Variants in NELL1 observed in about 807,000 individuals in gnomAD.
NELL1 encodes the protein neural EGFL like 1, also known as protein kinase C-binding protein NELL1.
Under a neutral mutation model 107.4 loss-of-function variants are expected in NELL1, and 76 were observed. The observed-to-expected ratio is 0.71, with a 90% confidence interval of 0.59 to 0.86. NELL1 has a LOEUF of 0.86. NELL1 is among the 40% of genes least tolerant of loss of function. NELL1 has a pLI of 0.00. For missense variants in NELL1, 1,024 were observed against 1,005.5 expected, an observed-to-expected ratio of 1.02 and a Z score of -0.25; for synonymous variants, 353 against 341.2, an observed-to-expected ratio of 1.03 and a Z score of -0.38.
chr11:20,843,055 A>G (rs1055362249), intron 3 of NELL1, among the ~76,000 whole-genome samples: 1 of 152,066 alleles, frequency 6.6e-6, no homozygotes, highest in South Asian at 2.1e-4. Context: ...TATTTTTTTC[A>G]TCATCTTTAG....
chr11:20,709,280 A>G (rs916024933), intron 2 of NELL1, among the ~76,000 whole-genome samples: 1 of 152,002 alleles, frequency 6.6e-6, no homozygotes, highest in African/African-American at 2.4e-5. Flanking sequence ...TCCCAGCACC[A>G]TTTGTTTAAT....
chr11:20,811,114 G>A (rs1857493020), intron 3 of NELL1, among the ~76,000 whole-genome samples: 1 of 152,078 alleles, frequency 6.6e-6, no homozygotes, highest in African/African-American at 2.4e-5. Flanking sequence ...TCTTTTAGTA[G>A]TTTCATAGTT....
At chr11:20,884,804 C>G (rs971525686) in intron 4 of NELL1, among the ~76,000 whole-genome samples, 2 of 152,138 alleles carry the variant, frequency 1.3e-5, no homozygotes. Flanking sequence ...TGTCTGGTTT[C>G]TTGCTCTATT....
chr11:20,852,622 C>T (rs751399030), intron 4 of NELL1, among the ~76,000 whole-genome samples: 42 of 152,180 alleles, frequency 2.8e-4, no homozygotes, highest in Non-Finnish European at 4.6e-4. Flanking sequence ...CTGTAGTATG[C>T]GGAGGGAAAT....
intron 15 of NELL1, among the ~76,000 whole-genome samples, chr11:21,523,895 GTA>G (rs1266930884): frequency 2.0e-5 from 3 of 151,104 alleles, no homozygotes; most frequent in Non-Finnish European, 4.4e-5. Flanking sequence ...GTGTGTGTGT[GTA>G]TATATATATG....
At chr11:21,406,652 A>G (rs987163681) in intron 15 of NELL1, among the ~76,000 whole-genome samples, 2 of 151,974 alleles carry the variant, frequency 1.3e-5, no homozygotes, top group East Asian at 1.9e-4. Context: ...TGTTAGTGCT[A>G]GTTTTTATCA....
At chr11:21,349,998 T>C (rs1302091903) in intron 14 of NELL1, among the ~76,000 whole-genome samples, 1 of 152,138 alleles carries the variant, frequency 6.6e-6, no homozygotes, top group Non-Finnish European at 1.5e-5. Context: ...CTGTCCAACA[T>C]AGCCAATAAT....
intron 15 of NELL1, among the ~76,000 whole-genome samples, chr11:21,403,879 A>G (rs1322210670): frequency 6.7e-6 from 1 of 150,218 alleles, no homozygotes; most frequent in Admixed American, 6.6e-5. Context: ...AGCTATCTCC[A>G]TCAATTCCAG....
chr11:21,233,801 A>T (rs1162443072), intron 14 of NELL1, among the ~76,000 whole-genome samples: 1 of 152,224 alleles, frequency 6.6e-6, no homozygotes, highest in Non-Finnish European at 1.5e-5. Flanking sequence ...TATGCAGCTG[A>T]TAGACTATGT....
intron 15 of NELL1, among the ~76,000 whole-genome samples, chr11:21,409,278 G>A (rs774594181): frequency 1.3e-5 from 2 of 152,072 alleles, no homozygotes; most frequent in South Asian, 4.1e-4. Context: ...CATGTCCTTT[G>A]TAGGGACATG....
intron 15 of NELL1, among the ~76,000 whole-genome samples, chr11:21,427,310 A>G (rs1420676668): frequency 1.3e-5 from 2 of 152,224 alleles, no homozygotes; most frequent in East Asian, 1.9e-4. Flanking sequence ...GTAATTCTCA[A>G]TCTCCATCAA....
At chr11:20,688,908 A>T (rs1854377499) in intron 2 of NELL1, among the ~76,000 whole-genome samples, 1 of 151,974 alleles carries the variant, frequency 6.6e-6, no homozygotes, top group Non-Finnish European at 1.5e-5. Flanking sequence ...CATCTGGTGT[A>T]TTTTGACTCT....
rs529148201 is a variant in NELL1 at position 21,341,286 on chromosome 11, A to G, written c.1550-29567A>G. ...AGTTCAGGAAAGGGAGAGTTACACC[A>G]TAAGCCTCCAGAACTACAAAACAAA... On this transcript the variant is annotated intron_variant, in intron 14 of 19. Transcript: ENST00000357134. Among the ~76,000 whole-genome samples, 13 of 152,334 alleles carry G rather than the reference A, an allele frequency of 8.5e-5. No homozygotes were observed. In the South Asian group the frequency reaches 2.7e-3, roughly 32 times the overall value.
At chr11:21,346,191 T>C (rs1003334372) in intron 14 of NELL1, among the ~76,000 whole-genome samples, 5 of 152,248 alleles carry the variant, frequency 3.3e-5, no homozygotes, top group Middle Eastern at 6.8e-3. Context: ...CTCTCCTCTT[T>C]CCTTCTATCT....
intron 2 of NELL1, among the ~76,000 whole-genome samples, chr11:20,774,482 C>T (rs1271838947): frequency 6.6e-6 from 1 of 151,650 alleles, no homozygotes; most frequent in Non-Finnish European, 1.5e-5. Flanking sequence ...TCCTCCGTCT[C>T]AGCTTCCTGA....
At chr11:21,230,813 AT>A (rs11448480) in intron 14 of NELL1, among the ~76,000 whole-genome samples, 20,535 of 151,488 alleles carry the variant, frequency 0.14, 1,760 homozygotes, top group East Asian at 0.22. Flanking sequence ...GGTAAAACTC[AT>A]TTTTTTTTAA....
Position 21,560,368 on chromosome 11 carries a change from G to A in NELL1, c.1966G>A (p.Val656Ile). ...VWTLKEDRCS[V>I]CSCKDGKIFC... ...GACCTTGAAAGAAGACAGGTGTTCT[G>A]TCTGCTCCTGCAAGGTGAGGCTGAT... Residue 656 changes from valine (V) to isoleucine (I), a missense_variant, in exon 17 of 20, where the codon GTC (valine) becomes ATC (isoleucine). Transcript: ENST00000357134. 2.5e-6 allele frequency: 4 copies of A among 1,584,610 alleles called. No individual in the cohort carries two copies. The highest frequency in any genetic ancestry group is 3.4e-6 in the Non-Finnish European group (4 of 1,166,558).
At chr11:21,475,091 C>T (rs770683268) in intron 15 of NELL1, among the ~76,000 whole-genome samples, 15 of 151,842 alleles carry the variant, frequency 9.9e-5, no homozygotes, top group Admixed American at 5.9e-4. Context: ...CCTGCATATG[C>T]GAAAAACAAA....
intron 13 of NELL1, among the ~76,000 whole-genome samples, chr11:21,227,432 C>T (rs926650594): frequency 1.2e-4 from 19 of 152,160 alleles, no homozygotes; most frequent in African/African-American, 4.6e-4. Context: ...CCTATTAAAA[C>T]GTTCAGGCTA....
Sources: gnomAD v4.1 joint callset for allele counts (sites outside exome capture counted in the v4.1 genomes callset) on GRCh38, gnomAD v4.1.1 for gene constraint, MANE v1.5 for transcripts, NCBI Gene and HGNC (gene_info 2026-07-23, HGNC 2026-07-21) for gene names.